VAT1L: variants seen among roughly 807,000 people sequenced by gnomAD.
VAT1L encodes vesicle amine transport 1 like.
A neutral mutation model predicts 44.1 loss-of-function variants in VAT1L; 34 were observed. That is an observed-to-expected ratio of 0.77 (90% CI 0.59 to 1.03). The LOEUF (loss-of-function observed/expected upper bound fraction) is 1.03. Among genes scored for constraint, VAT1L ranks in the 50% least tolerant of loss-of-function variants. VAT1L has a pLI of 0.00. For synonymous variants in VAT1L, 253 were observed against 202.2 expected, an observed-to-expected ratio of 1.25 and a Z score of -2.13; for missense variants, 615 against 538.8, an observed-to-expected ratio of 1.14 and a Z score of -1.40.
intron 3 of VAT1L, among the ~76,000 whole-genome samples, chr16:77,850,059 C>T (rs185995978): frequency 1.9e-3 from 290 of 152,300 alleles, no homozygotes; most frequent in African/African-American, 6.5e-3. Context: ...CATGGACACG[C>T]GTGCCAGGCA....
At chr16:77,955,154 C>T (rs999210607) in intron 7 of VAT1L, among the ~76,000 whole-genome samples, 3 of 152,196 alleles carry the variant, frequency 2.0e-5, no homozygotes, top group Non-Finnish European at 4.4e-5. Flanking sequence ...GGGGCAGGTG[C>T]ATGCTCTTCA....
In VAT1L at chr16:77,946,946, C is replaced by G. The variant is rs1264042062; in HGVS notation, c.1078-24904C>G. On this transcript the variant is annotated intron_variant, in intron 7 of 8. Coordinates refer to ENST00000302536, the MANE Select transcript of VAT1L (RefSeq NM_020927.3). Reference sequence around the variant, plus strand: ...GGAATGGAAAGTTGCTGGAAGGCAACACCTCCCTCAACCCCTTACTTTAAT... The same window carrying G: ...GGAATGGAAAGTTGCTGGAAGGCAAGACCTCCCTCAACCCCTTACTTTAAT... Among the ~76,000 whole-genome samples the G allele has an allele frequency of 2.6e-5, 4 of 152,218 alleles. No individual in the cohort carries two copies. In the East Asian group the frequency reaches 7.7e-4, roughly 29 times the overall value.
At chr16:77,797,979 G>T (rs2914451) in intron 1 of VAT1L, among the ~76,000 whole-genome samples, 92,917 of 152,004 alleles carry the variant, frequency 0.61, 30,201 homozygotes, top group East Asian at 0.75. Flanking sequence ...ATGTTCCAGT[G>T]AAAGAAGCTG....
chr16:77,811,612 C>T (rs756244127), intron 1 of VAT1L, among the ~76,000 whole-genome samples: 8 of 152,118 alleles, frequency 5.3e-5, no homozygotes, highest in Non-Finnish European at 1.2e-4. Context: ...GTCTCACCTC[C>T]CTTTTGCACA....
intron 7 of VAT1L, among the ~76,000 whole-genome samples, chr16:77,911,184 A>C (rs528759472): frequency 6.6e-6 from 1 of 152,198 alleles, no homozygotes; most frequent in Non-Finnish European, 1.5e-5. Flanking sequence ...CATAACCTCC[A>C]TCTCAGAAGT....
At chr16:77,903,840 C>T (rs963740949) in intron 7 of VAT1L, among the ~76,000 whole-genome samples, 4 of 151,264 alleles carry the variant, frequency 2.6e-5, no homozygotes, top group African/African-American at 9.7e-5. Context: ...GGGTTCATGC[C>T]ATTCTCCTGC....
At chr16:77,936,871 C>CTTCT (rs1555520811) in intron 7 of VAT1L, among the ~76,000 whole-genome samples, 3 of 150,622 alleles carry the variant, frequency 2.0e-5, no homozygotes, top group African/African-American at 7.3e-5. Context: ...TGTTTGGTTT[C>CTTCT]TTGTTTGTTT....
chr16:77,793,692 G>C (rs532085352), intron 1 of VAT1L, among the ~76,000 whole-genome samples: 1 of 152,290 alleles, frequency 6.6e-6, no homozygotes, highest in South Asian at 2.1e-4. Flanking sequence ...TACACCAAGA[G>C]GCTACATGAA....
chr16:77,976,223 G>A (rs936143061), intron 8 of VAT1L, among the ~76,000 whole-genome samples: 1 of 152,200 alleles, frequency 6.6e-6, no homozygotes, highest in Non-Finnish European at 1.5e-5. Context: ...ATTGGCCAAT[G>A]AGCCATTCAT....
At chr16:77,862,973 T>C (rs1415839739) in intron 4 of VAT1L, 83 bp downstream of exon 4, 2 of 1,484,980 alleles carry the variant, frequency 1.3e-6, no homozygotes, top group Non-Finnish European at 1.8e-6. Flanking sequence ...AAAAGAGGGA[T>C]AATAATAATA....
intron 8 of VAT1L, among the ~76,000 whole-genome samples, chr16:77,973,687 A>G (rs1237508810): frequency 1.3e-5 from 2 of 151,634 alleles, no homozygotes; most frequent in Admixed American, 1.3e-4. Context: ...AAAAAAAAAA[A>G]AAGAACTAAA....
chr16:77,820,983 C>T (rs1034570624), intron 2 of VAT1L, among the ~76,000 whole-genome samples: 5 of 152,190 alleles, frequency 3.3e-5, no homozygotes, highest in Non-Finnish European at 7.3e-5. Flanking sequence ...TTTAGACCTA[C>T]AGATGTTTCC....
chr16:77,943,858 T>G lies in VAT1L; in HGVS notation c.1078-27992T>G, dbSNP rs895825777. ...AGGATGCAATTAGCATCACCATTTC[T>G]TTCCTCCACACCCACAGGTGTAGAA... On this transcript the variant is annotated intron_variant, in intron 7 of 8. Coordinates refer to ENST00000302536, the MANE Select transcript of VAT1L (RefSeq NM_020927.3). 4.6e-5 allele frequency among the ~76,000 whole-genome samples: 7 copies of G among 152,158 alleles called. No individual in the cohort carries two copies. In the East Asian group the frequency reaches 9.6e-4, roughly 21 times the overall value.
At chr16:77,922,736 G>A (rs926422228) in intron 7 of VAT1L, among the ~76,000 whole-genome samples, 3 of 152,126 alleles carry the variant, frequency 2.0e-5, no homozygotes, top group African/African-American at 4.8e-5. Context: ...ACTCCCAAAC[G>A]CTTCCCATTT....
At chr16:77,892,391 A>G (rs567109467) in intron 7 of VAT1L, 6 of 394,344 alleles carry the variant, frequency 1.5e-5, no homozygotes, top group Non-Finnish European at 3.0e-5. Flanking sequence ...ATTTAAAAGC[A>G]TCTCCTGGCT....
chr16:77,844,715 T>TTTATATCAGAGACTTG (rs1354124745), intron 3 of VAT1L, among the ~76,000 whole-genome samples: 114 of 152,140 alleles, frequency 7.5e-4, no homozygotes, highest in African/African-American at 2.5e-3. Flanking sequence ...GCACTACCAG[T>TTTATATCAGAGACTTG]TTATATCAGA....
chr16:77,892,791 G>A, intron 7 of VAT1L: 1 of 788,140 alleles, frequency 1.3e-6, no homozygotes. Flanking sequence ...GGGTTGGATG[G>A]CAAGCATGTG....
At chr16:77,968,882 G>C (rs375746904) in intron 7 of VAT1L, among the ~76,000 whole-genome samples, 1 of 152,014 alleles carries the variant, frequency 6.6e-6, no homozygotes, top group African/African-American at 2.4e-5. Context: ...ACAGTGGCGC[G>C]ATTTCAGCTC....
intron 7 of VAT1L, among the ~76,000 whole-genome samples, chr16:77,961,380 G>T (rs962780081): frequency 2.6e-5 from 4 of 152,044 alleles, no homozygotes; most frequent in African/African-American, 9.7e-5. Flanking sequence ...TCCTCCCTCG[G>T]ATCTGTTCAC....
Sources: gnomAD v4.1 joint callset for allele counts (sites outside exome capture counted in the v4.1 genomes callset) on GRCh38, gnomAD v4.1.1 for gene constraint, MANE v1.5 for transcripts, NCBI Gene and HGNC (gene_info 2026-07-23, HGNC 2026-07-21) for gene names.